NUP93: variants seen among roughly 807,000 people sequenced by gnomAD.
The protein encoded by NUP93 is nuclear pore complex protein Nup93.
A neutral mutation model predicts 107.8 loss-of-function variants in NUP93; 55 were observed. The observed-to-expected ratio is 0.51, with a 90% CI of 0.41 to 0.64. The LOEUF (loss-of-function observed/expected upper bound fraction) is 0.64. NUP93 is among the 30% of genes least tolerant of loss of function. NUP93 has a pLI of 0.00. For synonymous variants in NUP93, 390 were observed against 397.5 expected (o/e 0.98, Z 0.22); for missense variants, 937 against 1,044.7 (o/e 0.90, Z 1.42).
chr16:56,801,976 T>A (rs34900294), intron 4 of NUP93, among the ~76,000 whole-genome samples: 18 of 152,330 alleles, frequency 1.2e-4, no homozygotes, highest in Admixed American at 1.0e-3. Context: ...GGTGGTGTAT[T>A]GTCTGTTTTC....
Position 56,748,388 on chromosome 16 carries a change from C to T in NUP93, c.141C>T (p.Thr47=). ...CGGGAGAGCGCCTGCGTTCCCGTACCCTAACACGCACGTCCCAGGAGACGG... is the reference window on the plus strand; with the variant it reads ...CGGGAGAGCGCCTGCGTTCCCGTACTCTAACACGCACGTCCCAGGAGACGG... ...QQAGERLRSR[T]LTRTSQETAD... Residue 47 remains threonine (T), a synonymous_variant, in exon 2 of 22, where the codon ACC becomes ACT. Coordinates refer to ENST00000308159, the MANE Select transcript of NUP93 (RefSeq NM_014669.5). The T allele has an allele frequency of 1.2e-6, 2 of 1,613,806 alleles. No individual in the cohort carries two copies. Among genetic ancestry groups the T allele is most frequent in the South Asian group, 2.2e-5 (2 of 91,050 alleles).
intron 17 of NUP93, among the ~76,000 whole-genome samples, chr16:56,837,387 A>T (rs1312657831): frequency 6.6e-6 from 1 of 152,116 alleles, no homozygotes; most frequent in Non-Finnish European, 1.5e-5. Context: ...ACATGGCAAA[A>T]CCCCGTCTCT....
chr16:56,820,883 G>A (rs753267068), intron 6 of NUP93, among the ~76,000 whole-genome samples: 18 of 152,206 alleles, frequency 1.2e-4, no homozygotes, highest in Non-Finnish European at 2.2e-4. Context: ...TCTAAATCTA[G>A]AAGAGTGAAT....
rs1342435627 is a variant in NUP93, at chr16:56,849,349, AC to A, written c.*4741del. 2.0e-5 allele frequency: 3 copies of A among 152,162 alleles called. No individual in the cohort carries two copies. The highest frequency in any genetic ancestry group is 7.2e-5 in the African/African-American group (3 of 41,436). The allele number at this position is 152,162 out of a possible 1,614,324, so 9.4% of individuals were successfully genotyped here. ...GCCGGATCTTTAAAAAGAAAAAGGG[AC>A]GGGGTGCTGGCAGAAACCCAGCTCT... is the stretch of plus-strand genomic sequence containing the variant. On this transcript the variant is annotated 3_prime_UTR_variant, in exon 22 of 22. Coordinates refer to ENST00000308159, the MANE Select transcript of NUP93 (RefSeq NM_014669.5).
chr16:56,738,784 T>G (rs1341976851), intron 1 of NUP93, among the ~76,000 whole-genome samples: 1 of 152,094 alleles, frequency 6.6e-6, no homozygotes, highest in African/African-American at 2.4e-5. Flanking sequence ...AGTATTAAAC[T>G]TTTGATACCT....
intron 3 of NUP93, among the ~76,000 whole-genome samples, chr16:56,766,927 C>T (rs1962226081): frequency 6.6e-6 from 1 of 152,230 alleles, no homozygotes; most frequent in Non-Finnish European, 1.5e-5. Flanking sequence ...CCCCTACTGA[C>T]AAGACCTAGA....
chr16:56,755,544 G>A (rs1188159533), intron 2 of NUP93, among the ~76,000 whole-genome samples: 1 of 151,852 alleles, frequency 6.6e-6, no homozygotes, highest in Non-Finnish European at 1.5e-5. Context: ...AAAATTGATT[G>A]TAGTGATGAT....
intron 3 of NUP93, 152 bp downstream of exon 3, chr16:56,758,807 A>T (rs1176517452): frequency 3.3e-6 from 2 of 611,812 alleles, no homozygotes; most frequent in Admixed American, 2.8e-5. Context: ...TCAGCTTTGG[A>T]GGTATAGTGG....
At chr16:56,838,854 C>A in intron 18 of NUP93, 98 bp from the exon 19 acceptor site, 1 of 839,154 alleles carries the variant, frequency 1.2e-6, no homozygotes, top group South Asian at 1.6e-5. Context: ...CATGAGCGAC[C>A]ACACCCCACT....
chr16:56,820,148 A>C (rs756557282), intron 6 of NUP93, among the ~76,000 whole-genome samples: 1 of 152,180 alleles, frequency 6.6e-6, no homozygotes, highest in Non-Finnish European at 1.5e-5. Context: ...ATTTCATAGC[A>C]CATACAACAC....
intron 3 of NUP93, among the ~76,000 whole-genome samples, chr16:56,768,815 C>T (rs1962266527): frequency 1.4e-5 from 2 of 147,978 alleles, no homozygotes; most frequent in South Asian, 2.1e-4. Flanking sequence ...TGCGGTGAGC[C>T]GAGATTGCCC....
chr16:56,797,645 G>A (rs767110181), intron 3 of NUP93, among the ~76,000 whole-genome samples: 2 of 152,320 alleles, frequency 1.3e-5, no homozygotes, highest in South Asian at 2.1e-4. Flanking sequence ...GTCACCAACA[G>A]ATCTAAATCT....
At position 56,824,432 on chromosome 16, in the gene NUP93, G is replaced by A. The variant is rs116688441; in HGVS notation, c.794+586G>A. Reference sequence around the variant, plus strand: ...TTGTGCCCGAAGTATTGTTCCCTTCGTTAGTAGGACCCATGCCATCATCCC... The same window carrying A: ...TTGTGCCCGAAGTATTGTTCCCTTCATTAGTAGGACCCATGCCATCATCCC... On this transcript the variant is annotated intron_variant, in intron 8 of 21. Transcript: ENST00000308159. Among the ~76,000 whole-genome samples the A allele has an allele frequency of 4.3e-3, 654 of 152,224 alleles. 6 individuals carry two copies. The highest frequency in any genetic ancestry group is 0.014 in the African/African-American group (602 of 41,532).
chr16:56,733,084 G>A (rs1474883304), intron 1 of NUP93, among the ~76,000 whole-genome samples: 1 of 152,182 alleles, frequency 6.6e-6, no homozygotes, highest in Non-Finnish European at 1.5e-5. Context: ...GTTATAGAGA[G>A]TGTGTACTTA....
At chr16:56,747,987 T>C in intron 1 of NUP93, 1 of 290,288 alleles carries the variant, frequency 3.4e-6, no homozygotes, top group Non-Finnish European at 6.5e-6. Context: ...TTTGTTCTGA[T>C]GGCAGAAATC....
rs777649322 is a variant in NUP93 at position 56,844,497 on chromosome 16, A to G, written c.2350-2A>G. ...CCTTCCCTTCCTTCCCTTCTCTCTC[A>G]GCAACTCCGAAGTCAAGCCCGCACT... On this transcript the variant is annotated splice_acceptor_variant, in intron 21 of 21. Transcript: ENST00000308159. LOFTEE classifies it high-confidence loss of function. 1.4e-6 allele frequency: 2 copies of G among 1,450,956 alleles called. No homozygotes were observed. Among genetic ancestry groups the G allele is most frequent in the Non-Finnish European group, 1.8e-6 (2 of 1,091,076 alleles). The allele number at this position is 1,450,956 out of a possible 1,614,324, so 89.9% of individuals were successfully genotyped here.
rs1340529678 is a variant in NUP93, at chr16:56,848,782, C to T, written c.*4173C>T. The stretch of plus-strand genomic sequence containing the variant: ...CCATTGCAGCAGATGATTTCAAAAC[C>T]TCTTTGTGTGCTGGGCCGTGCTAGG... On this transcript the variant is annotated 3_prime_UTR_variant, in exon 22 of 22. Coordinates refer to ENST00000308159, the MANE Select transcript of NUP93 (RefSeq NM_014669.5). 6.6e-6 allele frequency: 1 copy of T among 152,184 alleles called. No homozygotes were observed. The highest frequency in any genetic ancestry group is 6.5e-5 in the Admixed American group (1 of 15,270). The allele number at this position is 152,184 out of a possible 1,614,324, so 9.4% of individuals were successfully genotyped here. A position where few individuals can be genotyped will look rare whatever the true frequency, so the allele number is the denominator to read the frequency against.
intron 4 of NUP93, among the ~76,000 whole-genome samples, chr16:56,804,899 C>G (rs1963101138): frequency 7.0e-6 from 1 of 143,700 alleles, no homozygotes; most frequent in Admixed American, 7.1e-5. Context: ...GAGTGAAACT[C>G]TGTCTCAAAA....
intron 5 of NUP93, among the ~76,000 whole-genome samples, chr16:56,815,637 C>A (rs1157805491): frequency 6.6e-6 from 1 of 152,054 alleles, no homozygotes; most frequent in African/African-American, 2.4e-5. Flanking sequence ...GTTTATTGAC[C>A]ATATCTTGGA....
Sources: allele counts gnomAD v4.1 joint callset (sites outside exome capture counted in the v4.1 genomes callset), GRCh38; gene constraint gnomAD v4.1.1; transcripts MANE v1.5; gene names NCBI Gene and HGNC (gene_info 2026-07-23, HGNC 2026-07-21).